NALCN: variants seen among roughly 807,000 people sequenced by gnomAD.
The protein encoded by NALCN is sodium leak channel NALCN.
NALCN carries 111 observed loss-of-function variants against 225.3 expected under a neutral mutation model. The observed-to-expected ratio is 0.49, with a 90% CI of 0.42 to 0.58. The LOEUF (loss-of-function observed/expected upper bound fraction) is 0.58. Among genes scored for constraint, NALCN ranks in the 20% least tolerant of loss-of-function variants. The pLI is 0.00. For missense variants in NALCN, 1,378 were observed against 2,202.4 expected, an observed-to-expected ratio of 0.63 and a Z score of 7.49; for synonymous variants, 764 against 769.0, an observed-to-expected ratio of 0.99 and a Z score of 0.11.
At chr13:101,221,888 A>T (rs1231805587) in intron 13 of NALCN, among the ~76,000 whole-genome samples, 1 of 152,202 alleles carries the variant, frequency 6.6e-6, no homozygotes. Flanking sequence ...ATTTCCGATT[A>T]TGGGTAGCAA....
chr13:101,078,006 C>T (rs1392027652), intron 34 of NALCN, among the ~76,000 whole-genome samples: 1 of 152,222 alleles, frequency 6.6e-6, no homozygotes, highest in Non-Finnish European at 1.5e-5. Flanking sequence ...CAGGCTGATG[C>T]TTCAAAGAGT....
chr13:101,212,311 T>A (rs1313855323), intron 13 of NALCN, among the ~76,000 whole-genome samples: 3 of 152,208 alleles, frequency 2.0e-5, no homozygotes, highest in South Asian at 2.1e-4. Flanking sequence ...TTGGAAGTGC[T>A]AGGCACACAG....
chr13:101,172,913 GA>G (rs141992121), intron 15 of NALCN, among the ~76,000 whole-genome samples: 2 of 151,900 alleles, frequency 1.3e-5, no homozygotes, highest in African/African-American at 4.8e-5. Context: ...TATTACTCTT[GA>G]AAAAAATCTA....
At chr13:101,206,736 AT>A in intron 13 of NALCN, among the ~76,000 whole-genome samples, 1 of 149,456 alleles carries the variant, frequency 6.7e-6, no homozygotes, top group African/African-American at 2.5e-5. Context: ...AAATATATAT[AT>A]ATATATATAC....
rs1217322367 is a variant in NALCN at position 101,202,576 on chromosome 13, G to A, written c.1627-10522C>T. The stretch of plus-strand genomic sequence containing the variant: ...CTGTCTTTTTTTGTGAAACCCTCAG[G>A]AAAAATATCGATTCCTAGGTGAATC... On this transcript the variant is annotated intron_variant, in intron 13 of 43. Transcript: ENST00000251127. Among the ~76,000 whole-genome samples the A allele has an allele frequency of 4.6e-5, 7 of 152,070 alleles. No individual in the cohort carries two copies. In the East Asian group the frequency reaches 1.4e-3, roughly 29 times the overall value.
chr13:101,280,052 CTTAA>C (rs2043116146), intron 10 of NALCN, among the ~76,000 whole-genome samples: 1 of 151,968 alleles, frequency 6.6e-6, no homozygotes, highest in Non-Finnish European at 1.5e-5. Flanking sequence ...TATATTTTTA[CTTAA>C]TTCTTTTCTT....
At chr13:101,056,092 G>A (rs888328323) in intron 43 of NALCN, among the ~76,000 whole-genome samples, 2 of 152,124 alleles carry the variant, frequency 1.3e-5, no homozygotes, top group Non-Finnish European at 2.9e-5. Context: ...TTAGGAAAGT[G>A]CATAGCATGA....
intron 25 of NALCN, 34 bp from the exon 26 acceptor site, chr13:101,103,373 C>A (rs762854340): frequency 9.5e-6 from 15 of 1,575,834 alleles, no homozygotes; most frequent in Non-Finnish European, 1.3e-5. Context: ...GGAATTTATA[C>A]AATTCATCCC....
At chr13:101,129,975 T>G (rs2036436701) in intron 17 of NALCN, among the ~76,000 whole-genome samples, 1 of 151,828 alleles carries the variant, frequency 6.6e-6, no homozygotes, top group South Asian at 2.1e-4. Context: ...CTGTGTTTGG[T>G]TTTCTGTTCC....
chr13:101,250,070 T>G (rs1011366263), intron 11 of NALCN, among the ~76,000 whole-genome samples: 1 of 152,088 alleles, frequency 6.6e-6, no homozygotes, highest in Non-Finnish European at 1.5e-5. Context: ...AAATTAATAT[T>G]ATTCCTACAT....
chr13:101,085,191 T>C (rs907754982), intron 30 of NALCN, among the ~76,000 whole-genome samples: 1 of 152,198 alleles, frequency 6.6e-6, no homozygotes, highest in Non-Finnish European at 1.5e-5. Context: ...TAATCTTTTA[T>C]CAATTATGTA....
rs370464648 is a variant in NALCN at position 101,266,141 on chromosome 13, G to A, written c.1135-7567C>T. ...TTGGCTGTAAAACGAAAATAAATGA[G>A]ACTTCAGTGTAGAGTCTAGCCTGCA... On this transcript the variant is annotated intron_variant, in intron 10 of 43. Coordinates refer to ENST00000251127, the MANE Select transcript of NALCN (RefSeq NM_052867.4). Among the ~76,000 whole-genome samples the A allele has an allele frequency of 5.9e-5, 9 of 152,240 alleles. No homozygotes were observed. In the East Asian group the frequency reaches 1.7e-3, roughly 29 times the overall value.
At chr13:101,159,493 C>T (rs915271430) in intron 15 of NALCN, among the ~76,000 whole-genome samples, 4 of 152,080 alleles carry the variant, frequency 2.6e-5, no homozygotes, top group Non-Finnish European at 4.4e-5. Context: ...AGCAGAAATT[C>T]GCAGTAATGA....
chr13:101,289,657 T>C (rs1041651395), intron 9 of NALCN, among the ~76,000 whole-genome samples: 12 of 152,038 alleles, frequency 7.9e-5, no homozygotes, highest in African/African-American at 2.9e-4. Context: ...ATAGCCTATA[T>C]TTAACAACTG....
intron 18 of NALCN, chr13:101,116,566 C>A (rs772582376): frequency 7.8e-6 from 4 of 515,204 alleles, no homozygotes; most frequent in African/African-American, 7.7e-5. Flanking sequence ...TGTCCCAGAA[C>A]AAGGGTGTGG....
chr13:101,248,990 C>T (rs2041983333), intron 11 of NALCN, among the ~76,000 whole-genome samples: 1 of 152,080 alleles, frequency 6.6e-6, no homozygotes, highest in Non-Finnish European at 1.5e-5. Context: ...ACCCCCTGAG[C>T]TTACAGTTAG....
chr13:101,379,063 G>A (rs1276885876), intron 3 of NALCN, among the ~76,000 whole-genome samples: 1 of 151,930 alleles, frequency 6.6e-6, no homozygotes, highest in Non-Finnish European at 1.5e-5. Context: ...ACCGTTAGTA[G>A]GAAAACTAAC....
At chr13:101,282,477 T>C (rs906880200) in intron 10 of NALCN, among the ~76,000 whole-genome samples, 7 of 151,784 alleles carry the variant, frequency 4.6e-5, no homozygotes, top group African/African-American at 1.7e-4. Context: ...AAGCAGAGAG[T>C]AGGATTGTGG....
chr13:101,344,184 T>C (rs1227637498), intron 7 of NALCN, among the ~76,000 whole-genome samples: 1 of 152,154 alleles, frequency 6.6e-6, no homozygotes, highest in African/African-American at 2.4e-5. Flanking sequence ...CCTCTGTACT[T>C]TTGAGACAGA....
Sources: allele counts gnomAD v4.1 joint callset (sites outside exome capture counted in the v4.1 genomes callset), GRCh38; gene constraint gnomAD v4.1.1; transcripts MANE v1.5; gene names NCBI Gene and HGNC (gene_info 2026-07-23, HGNC 2026-07-21).